The following SLC4A10 variants were observed in gnomAD, a reference collection of about 807,000 sequenced individuals.
The protein encoded by SLC4A10 is sodium-driven chloride bicarbonate exchanger.
SLC4A10 carries 42 observed loss-of-function variants against 137.7 expected under a neutral mutation model. The observed-to-expected ratio is 0.30, with a 90% confidence interval of 0.24 to 0.39. The LOEUF (loss-of-function observed/expected upper bound fraction) is 0.39, where lower values mean the gene tolerates loss of function less well. SLC4A10 is among the 10% of genes least tolerant of loss of function. The probability of loss-of-function intolerance (pLI) is 1.00; values close to 1 mark genes in which losing one functional copy is unlikely to be tolerated. For synonymous variants in SLC4A10, 474 were observed against 464.1 expected, an observed-to-expected ratio of 1.02 and a Z score of -0.27; for missense variants, 925 against 1,355.0, an observed-to-expected ratio of 0.68 and a Z score of 4.98.
chr2:161,850,397 T>A (rs2059763264), intron 4 of SLC4A10, among the ~76,000 whole-genome samples: 1 of 151,712 alleles, frequency 6.6e-6, no homozygotes, highest in African/African-American at 2.4e-5. Flanking sequence ...CTCAAAAAAA[T>A]AAAATAAAAT....
intron 2 of SLC4A10, among the ~76,000 whole-genome samples, chr2:161,771,595 T>C (rs2051622567): frequency 6.6e-6 from 1 of 151,874 alleles, no homozygotes; most frequent in African/African-American, 2.4e-5. Context: ...TTATTTGTCA[T>C]AGGAACTTCA....
At chr2:161,797,848 GTTAGTGGCCCT>G (rs1022343965) in intron 2 of SLC4A10, among the ~76,000 whole-genome samples, 5 of 152,008 alleles carry the variant, frequency 3.3e-5, no homozygotes, top group African/African-American at 1.2e-4. Context: ...GTAAATCTCA[GTTAGTGGCCCT>G]TTTGATGAGC....
At chr2:161,833,972 T>C (rs2058600496) in intron 3 of SLC4A10, among the ~76,000 whole-genome samples, 1 of 152,226 alleles carries the variant, frequency 6.6e-6, no homozygotes, top group Admixed American at 6.5e-5. Context: ...TCAGCCTCTA[T>C]GTGGATAATA....
intron 3 of SLC4A10, among the ~76,000 whole-genome samples, chr2:161,828,073 C>A (rs1481255807): frequency 3.3e-5 from 5 of 152,100 alleles, no homozygotes; most frequent in African/African-American, 9.7e-5. Flanking sequence ...GCTATTATTT[C>A]TTTGCTTCTT....
intron 1 of SLC4A10, among the ~76,000 whole-genome samples, chr2:161,692,580 T>C (rs1360826867): frequency 6.6e-6 from 1 of 152,078 alleles, no homozygotes; most frequent in Non-Finnish European, 1.5e-5. Flanking sequence ...AAAGTCATTT[T>C]GAGTGTTAAC....
At chr2:161,656,592 T>C (rs937514526) in intron 1 of SLC4A10, among the ~76,000 whole-genome samples, 2 of 152,202 alleles carry the variant, frequency 1.3e-5, no homozygotes, top group African/African-American at 4.8e-5. Context: ...TGTATTCTAA[T>C]AACATGTATA....
intron 15 of SLC4A10, among the ~76,000 whole-genome samples, chr2:161,919,685 T>A (rs1312194454): frequency 1.3e-5 from 2 of 152,192 alleles, no homozygotes; most frequent in Non-Finnish European, 2.9e-5. Context: ...TCTAGTTGTC[T>A]GCATATCCCA....
chr2:161,970,070 C>T (rs1698258987), intron 23 of SLC4A10, among the ~76,000 whole-genome samples: 1 of 152,190 alleles, frequency 6.6e-6, no homozygotes, highest in South Asian at 2.1e-4. Context: ...GGCCAACCAT[C>T]TCTGTTAATA....
chr2:161,655,855 C>T (rs556173330), intron 1 of SLC4A10, among the ~76,000 whole-genome samples: 5 of 151,030 alleles, frequency 3.3e-5, no homozygotes, highest in Admixed American at 1.3e-4. Context: ...CGCTCTGTCA[C>T]CCAGGCTGGA....
chr2:161,969,980 C>T (rs2105942762), intron 23 of SLC4A10, among the ~76,000 whole-genome samples: 1 of 152,282 alleles, frequency 6.6e-6, no homozygotes, highest in African/African-American at 2.4e-5. Context: ...ACCACTGCCA[C>T]ATCAGCCAAC....
intron 15 of SLC4A10, among the ~76,000 whole-genome samples, chr2:161,911,632 GTTTAC>G (rs1321719180): frequency 2.0e-5 from 3 of 152,010 alleles, no homozygotes; most frequent in African/African-American, 7.2e-5. Context: ...ATTTTTAGGT[GTTTAC>G]TTTATTTGTG....
At chr2:161,878,018 T>G (rs982170862) in intron 8 of SLC4A10, among the ~76,000 whole-genome samples, 5 of 152,082 alleles carry the variant, frequency 3.3e-5, no homozygotes, top group Admixed American at 3.3e-4. Flanking sequence ...AGCAACATAT[T>G]TAATGTAGTC....
chr2:161,748,109 A>C (rs2048565874), intron 1 of SLC4A10, among the ~76,000 whole-genome samples: 1 of 151,908 alleles, frequency 6.6e-6, no homozygotes, highest in Non-Finnish European at 1.5e-5. Flanking sequence ...TTTAAAATTG[A>C]GTTATTTGGG....
intron 3 of SLC4A10, among the ~76,000 whole-genome samples, chr2:161,814,544 G>T (rs570194655): frequency 6.6e-6 from 1 of 152,040 alleles, no homozygotes; most frequent in African/African-American, 2.4e-5. Flanking sequence ...ATCAACAGTG[G>T]ATTGAATAAA....
At chr2:161,741,716 T>C (rs1164973224) in intron 1 of SLC4A10, among the ~76,000 whole-genome samples, 1 of 152,234 alleles carries the variant, frequency 6.6e-6, no homozygotes, top group Non-Finnish European at 1.5e-5. Flanking sequence ...TATATATTTA[T>C]GGGGTACATG....
chr2:161,661,335 C>T (rs1385504834), intron 1 of SLC4A10, among the ~76,000 whole-genome samples: 2 of 152,092 alleles, frequency 1.3e-5, no homozygotes, highest in South Asian at 2.1e-4. Context: ...ATGAGCTGGG[C>T]GTGGTGGCGC....
At chr2:161,645,827 A>G (rs1429711928) in intron 1 of SLC4A10, among the ~76,000 whole-genome samples, 2 of 152,038 alleles carry the variant, frequency 1.3e-5, no homozygotes, top group Non-Finnish European at 2.9e-5. Context: ...ATGCTGAGGG[A>G]TGTTTGGAAA....
intron 1 of SLC4A10, among the ~76,000 whole-genome samples, chr2:161,723,626 T>C (rs1464963341): frequency 6.6e-6 from 1 of 152,186 alleles, no homozygotes; most frequent in Non-Finnish European, 1.5e-5. Flanking sequence ...AAAAAACAAA[T>C]CTGATCTATA....
chr2:161,686,330 T>C (rs1468394878), intron 1 of SLC4A10, among the ~76,000 whole-genome samples: 1 of 152,178 alleles, frequency 6.6e-6, no homozygotes, highest in African/African-American at 2.4e-5. Context: ...GCTGCAATGG[T>C]AATAAAAATT....
Sources: gnomAD v4.1 joint callset for allele counts (sites outside exome capture counted in the v4.1 genomes callset) on GRCh38, gnomAD v4.1.1 for gene constraint, MANE v1.5 for transcripts, NCBI Gene and HGNC (gene_info 2026-07-23, HGNC 2026-07-21) for gene names.